The following APPBP2 variants were observed in gnomAD, a reference collection of about 807,000 sequenced individuals.
The protein encoded by APPBP2 is amyloid protein-binding protein 2.
Under a neutral mutation model 76.0 loss-of-function variants are expected in APPBP2, and 15 were observed. The ratio of observed to expected loss-of-function variants is 0.20; its 90% confidence interval spans 0.13 to 0.30. The LOEUF (loss-of-function observed/expected upper bound fraction) is 0.30, where lower values mean the gene tolerates loss of function less well. Among genes scored for constraint, APPBP2 ranks in the 10% least tolerant of loss-of-function variants. APPBP2 has a pLI of 1.00. For synonymous variants in APPBP2, 222 were observed against 242.2 expected (o/e 0.92, Z 0.77); for missense variants, 401 against 687.2 (o/e 0.58, Z 4.66).
At chr17:60,512,309 T>C (rs1353029353) in intron 1 of APPBP2, among the ~76,000 whole-genome samples, 5 of 151,876 alleles carry the variant, frequency 3.3e-5, no homozygotes, top group Non-Finnish European at 7.4e-5. Context: ...TTCACCGTGT[T>C]AGCCAGGATG....
intron 1 of APPBP2, among the ~76,000 whole-genome samples, chr17:60,517,087 T>C (rs2143497451): frequency 6.6e-6 from 1 of 152,274 alleles, no homozygotes; most frequent in African/African-American, 2.4e-5. Flanking sequence ...GCAATTCTCC[T>C]GCCTCAGACT....
chr17:60,472,672 C>A (rs1211024887), intron 4 of APPBP2, among the ~76,000 whole-genome samples: 1 of 152,178 alleles, frequency 6.6e-6, no homozygotes, highest in Non-Finnish European at 1.5e-5. Flanking sequence ...AGCAATCTTA[C>A]AAGCACTGGA....
In APPBP2 at chr17:60,447,705, C is replaced by T. The variant is rs377108787; in HGVS notation, c.1634G>A (p.Arg545Gln). ...EYHNVLSNWN[R>Q]LRDRQYSVTD... The stretch of plus-strand genomic sequence containing the variant: ...CACTGAATATTGCCGATCTCGCAAC[C>T]GGTTCCAGTTAGACAGAACATTGTG... The change falls in exon 13 of 13, where the codon CGG becomes CAG. Residue 545 changes from arginine (R) to glutamine (Q), a missense_variant. Arg to Gln is a conservative substitution (Grantham distance 43, BLOSUM62 1). Transcript: ENST00000083182. 9.7e-5 allele frequency: 156 copies of T among 1,613,972 alleles called. No homozygotes were observed. Among genetic ancestry groups the T allele is most frequent in the Non-Finnish European group, 1.2e-4 (144 of 1,180,036 alleles).
intron 4 of APPBP2, among the ~76,000 whole-genome samples, chr17:60,468,969 A>G (rs1445942539): frequency 6.6e-6 from 1 of 152,200 alleles, no homozygotes; most frequent in Admixed American, 6.5e-5. Context: ...GACTAGTTAG[A>G]GCCTCATCAG....
At chr17:60,512,766 C>T (rs1398223079) in intron 1 of APPBP2, among the ~76,000 whole-genome samples, 1 of 76,444 alleles carries the variant, frequency 1.3e-5, no homozygotes, top group Non-Finnish European at 2.3e-5. Context: ...ACTCAGGAGG[C>T]GGAGGTTGCA....
At position 60,466,315 on chromosome 17, in the gene APPBP2, T is replaced by C. The variant is rs772231438; in HGVS notation, c.648A>G (p.Leu216=). 23 of 1,613,562 alleles carry C rather than the reference T, an allele frequency of 1.4e-5. No individual in the cohort carries two copies. The highest frequency in any genetic ancestry group is 2.7e-5 in the African/African-American group (2 of 74,892). ...AALYGELCAL[L]FAKSHYDEAY... is the part of the protein sequence containing the mutation. ...CCTCATCATAGTGACTTTTTGCAAA[T>C]AGGAGTGCACACAGTTCTCCATAGA... The change falls in exon 5 of 13, where the codon CTA becomes CTG. Residue 216 remains leucine (L), a synonymous_variant. Transcript: ENST00000083182.
In APPBP2 at chr17:60,444,589, G is replaced by A. The variant is rs934841856; in HGVS notation, c.*2992C>T. On this transcript the variant is annotated 3_prime_UTR_variant, in exon 13 of 13. Coordinates refer to ENST00000083182, the MANE Select transcript of APPBP2 (RefSeq NM_006380.5). ...ATACCTGGGCAGGGGTTACTACAAA[G>A]CAATAGTGAGCCAATTTTTAACCAA... The A allele has an allele frequency of 6.6e-6, 1 of 151,992 alleles. No individual in the cohort carries two copies. The highest frequency in any genetic ancestry group is 2.4e-5 in the African/African-American group (1 of 41,370). The allele number at this position is 151,992 out of a possible 1,614,324, so 9.4% of individuals were successfully genotyped here. A position where few individuals can be genotyped will look rare whatever the true frequency, so the allele number is the denominator to read the frequency against.
rs1438258070 is a variant in APPBP2 at position 60,446,497 on chromosome 17, AT to A, written c.*1083del. On this transcript the variant is annotated 3_prime_UTR_variant, in exon 13 of 13. Coordinates refer to ENST00000083182, the MANE Select transcript of APPBP2 (RefSeq NM_006380.5). ...GACTTATTTTTGGGCATTCATTTTC[AT>A]TAATCTCCATAAACCATACAGTAAC... The A allele has an allele frequency of 6.6e-6, 1 of 152,218 alleles. No individual in the cohort carries two copies. The highest frequency in any genetic ancestry group is 1.5e-5 in the Non-Finnish European group (1 of 68,028). 9.4% of individuals were successfully genotyped at this position (152,218 alleles called of 1,614,324 possible).
intron 9 of APPBP2, among the ~76,000 whole-genome samples, chr17:60,457,417 TG>T (rs200586478): frequency 2.0e-5 from 3 of 151,808 alleles, no homozygotes; most frequent in African/African-American, 7.3e-5. Context: ...AGGTTTTTTT[TG>T]TTTTGTTTTT....
intron 6 of APPBP2, among the ~76,000 whole-genome samples, chr17:60,462,958 A>G (rs1262352934): frequency 2.0e-5 from 3 of 151,626 alleles, no homozygotes; most frequent in Non-Finnish European, 4.4e-5. Flanking sequence ...CAAAAAAAAA[A>G]AAAAAGAAAA....
intron 1 of APPBP2, among the ~76,000 whole-genome samples, chr17:60,519,806 C>G (rs2090994390): frequency 9.3e-6 from 1 of 107,974 alleles, no homozygotes; most frequent in Non-Finnish European, 1.7e-5. Flanking sequence ...TTTTTTGAGA[C>G]AAGGTCTCAC....
intron 10 of APPBP2, among the ~76,000 whole-genome samples, chr17:60,455,922 T>G (rs1598347105): frequency 6.6e-6 from 1 of 152,018 alleles, no homozygotes; most frequent in East Asian, 1.9e-4. Flanking sequence ...GGATTACAGG[T>G]GCACGCCACC....
At chr17:60,475,648 T>TACACACACACACACACACACAC (rs72415327) in intron 4 of APPBP2, among the ~76,000 whole-genome samples, 4 of 129,190 alleles carry the variant, frequency 3.1e-5, no homozygotes, top group African/African-American at 1.2e-4. Context: ...CAACTCTTTA[T>TACACACACACACACACACACAC]ACACACACAC....
intron 1 of APPBP2, among the ~76,000 whole-genome samples, chr17:60,503,777 G>C (rs1395892265): frequency 1.4e-5 from 2 of 146,804 alleles, no homozygotes; most frequent in African/African-American, 2.8e-5. Context: ...AGGCACTGTT[G>C]TCAGTGCTTT....
intron 12 of APPBP2, among the ~76,000 whole-genome samples, chr17:60,450,126 G>A (rs1295500666): frequency 2.0e-5 from 3 of 151,694 alleles, no homozygotes; most frequent in African/African-American, 7.3e-5. Context: ...TACAAAAAGT[G>A]CTATTCACAA....
chr17:60,486,604 G>A (rs1165067783), intron 3 of APPBP2, among the ~76,000 whole-genome samples: 4 of 152,072 alleles, frequency 2.6e-5, no homozygotes, highest in Admixed American at 6.6e-5. Flanking sequence ...TGTGAGATGG[G>A]TCTCCTAAAT....
At chr17:60,517,700 T>C (rs1009899368) in intron 1 of APPBP2, among the ~76,000 whole-genome samples, 1 of 152,204 alleles carries the variant, frequency 6.6e-6, no homozygotes, top group South Asian at 2.1e-4. Flanking sequence ...TGTGTCAGTC[T>C]GTTTCTGGAC....
chr17:60,494,638 T>A (rs1567934152), intron 2 of APPBP2, 21 bp from the exon 3 acceptor site: 2 of 1,557,912 alleles, frequency 1.3e-6, no homozygotes, highest in Non-Finnish European at 1.7e-6. Context: ...AGAAAAAGAT[T>A]ATTTTATAGA....
Position 60,443,791 on chromosome 17 carries a change from A to C in APPBP2, c.*3790T>G, listed in dbSNP as rs1703744898. On this transcript the variant is annotated 3_prime_UTR_variant, in exon 13 of 13. Transcript: ENST00000083182. ...TTCAACAAACTCACTAAGGCCACTC[A>C]TGCTATAGATACCTAGGATTGCAAT... is the stretch of plus-strand genomic sequence containing the variant. 6.6e-6 allele frequency: 1 copy of C among 152,664 alleles called. No homozygotes were observed. Among genetic ancestry groups the C allele is most frequent in the African/African-American group, 2.4e-5 (1 of 41,460 alleles). The allele number at this position is 152,664 out of a possible 1,614,324, so 9.5% of individuals were successfully genotyped here.
Sources: allele counts gnomAD v4.1 joint callset (sites outside exome capture counted in the v4.1 genomes callset), GRCh38; gene constraint gnomAD v4.1.1; transcripts MANE v1.5; gene names NCBI Gene and HGNC (gene_info 2026-07-23, HGNC 2026-07-21).